Variants in DNAH8 observed in about 807,000 individuals in gnomAD.
The protein encoded by DNAH8 is axonemal beta dynein heavy chain 8.
Under a neutral mutation model 562.1 loss-of-function variants are expected in DNAH8, and 382 were observed. The ratio of observed to expected loss-of-function variants is 0.68; its 90% CI spans 0.63 to 0.74. The LOEUF (loss-of-function observed/expected upper bound fraction) is 0.74, where lower values mean the gene tolerates loss of function less well. Ranked by LOEUF, DNAH8 falls within the 30% of genes least tolerant of loss-of-function variation. The pLI is 0.00. For missense variants in DNAH8, 5,203 were observed against 5,620.4 expected (o/e 0.93, Z 2.37); for synonymous variants, 1,881 against 1,919.4 (o/e 0.98, Z 0.52).
In DNAH8 at chr6:38,900,543, C is replaced by G. The variant is rs138382779; in HGVS notation, c.9194+637C>G. ...TTCCATGTGGTTGTACCAATTTACA[C>G]TTCCACCAACATGTCATGAGAGTTG... On this transcript the variant is annotated intron_variant, in intron 62 of 92. Coordinates refer to ENST00000327475, the MANE Select transcript of DNAH8 (RefSeq NM_001206927.2). Among the ~76,000 whole-genome samples, 190 of 152,200 alleles carry G rather than the reference C, an allele frequency of 1.2e-3. 1 individual carries two copies. The highest frequency in any genetic ancestry group is 4.4e-3 in the African/African-American group (181 of 41,532).
intron 11 of DNAH8, among the ~76,000 whole-genome samples, chr6:38,762,509 G>A (rs1766616545): frequency 6.6e-6 from 1 of 152,198 alleles, no homozygotes; most frequent in African/African-American, 2.4e-5. Flanking sequence ...AGCTGTATTG[G>A]TGAGAGAGAG....
rs186361657 is a variant in DNAH8, at chr6:38,741,373, A to G, written c.1117-338A>G. ...CACTGTGATTGTGCCACTGCACTCT[A>G]GCGTAGGCAGCAGAGCGAGACCCTG... On this transcript the variant is annotated intron_variant, in intron 7 of 92. Coordinates refer to ENST00000327475, the MANE Select transcript of DNAH8 (RefSeq NM_001206927.2). 6.6e-5 allele frequency among the ~76,000 whole-genome samples: 10 copies of G among 152,232 alleles called. No homozygotes were observed. In the East Asian group the frequency reaches 1.7e-3, roughly 26 times the overall value.
At chr6:38,923,272 C>T in intron 72 of DNAH8, 87 bp downstream of exon 72, 1 of 1,511,842 alleles carries the variant, frequency 6.6e-7, no homozygotes, top group East Asian at 2.3e-5. Flanking sequence ...ATCTCTGAAT[C>T]CCATCATCTA....
intron 87 of DNAH8, among the ~76,000 whole-genome samples, chr6:38,989,331 T>C (rs1263730791): frequency 1.3e-5 from 2 of 152,244 alleles, no homozygotes; most frequent in African/African-American, 4.8e-5. Flanking sequence ...AGCATCATTT[T>C]TTTTTCCTTT....
At chr6:38,876,022 A>G (rs1490289805) in intron 53 of DNAH8, among the ~76,000 whole-genome samples, 194 bp downstream of exon 53, 1 of 152,150 alleles carries the variant, frequency 6.6e-6, no homozygotes, top group Non-Finnish European at 1.5e-5. Context: ...TGATATTGAG[A>G]CTCTTGACTT....
At chr6:38,717,567 G>T (rs1465848231) in intron 1 of DNAH8, among the ~76,000 whole-genome samples, 3 of 151,400 alleles carry the variant, frequency 2.0e-5, no homozygotes. Flanking sequence ...TTGAGCTCAG[G>T]AGTTTGTATG....
At chr6:38,827,221 C>G (rs545140683) in intron 29 of DNAH8, among the ~76,000 whole-genome samples, 4 of 152,284 alleles carry the variant, frequency 2.6e-5, no homozygotes, top group South Asian at 2.1e-4. Flanking sequence ...ACATCAGGCC[C>G]GCCTGTTAAT....
Position 38,932,037 on chromosome 6 carries a change from G to A in DNAH8, c.11457+44G>A, listed in dbSNP as rs748038034. On this transcript the variant is annotated intron_variant, in intron 76 of 92. Transcript: ENST00000327475. ...TAAAGAATTTCTGCTTATAATACATGCTTAAAATGTATTGAGAAATTGCTA... is the reference window on the plus strand; with the variant it reads ...TAAAGAATTTCTGCTTATAATACATACTTAAAATGTATTGAGAAATTGCTA... The A allele has an allele frequency of 1.4e-5, 18 of 1,328,914 alleles. No individual in the cohort carries two copies. The African/African-American group carries it at 1.4e-4, about 10-fold the overall frequency. The allele number at this position is 1,328,914 out of a possible 1,614,324, so 82.3% of individuals were successfully genotyped here. A position where few individuals can be genotyped will look rare whatever the true frequency, so the allele number is the denominator to read the frequency against.
chr6:38,967,361 C>A (rs1449209658), intron 82 of DNAH8, among the ~76,000 whole-genome samples: 1 of 151,000 alleles, frequency 6.6e-6, no homozygotes, highest in Non-Finnish European at 1.5e-5. Context: ...ATGATTGTGA[C>A]ATGAATTTGT....
chr6:38,866,758 T>G lies in DNAH8; in HGVS notation c.6586-11T>G. 6.2e-7 allele frequency: 1 copy of G among 1,605,092 alleles called. No individual in the cohort carries two copies. The highest frequency in any genetic ancestry group is 8.5e-7 in the Non-Finnish European group (1 of 1,173,870). ...CTAAAGTTGAAAAAAACTCACTATA[T>G]TAATTTTCAGATCATTATGAGAGTT... On this transcript the variant is annotated splice_polypyrimidine_tract_variant and intron_variant, in intron 46 of 92. Transcript: ENST00000327475.
chr6:38,826,345 T>C lies in DNAH8; in HGVS notation c.4037T>C (p.Ile1346Thr). 1 of 1,612,816 alleles carries C rather than the reference T, an allele frequency of 6.2e-7. No individual in the cohort carries two copies. Among genetic ancestry groups the C allele is most frequent in the Non-Finnish European group, 8.5e-7 (1 of 1,179,472 alleles). Residue 1346 changes from isoleucine to threonine, a missense_variant, in exon 29 of 93, where the codon ATA becomes ACA. Coordinates refer to ENST00000327475, the MANE Select transcript of DNAH8 (RefSeq NM_001206927.2). ...TTTGCAATGGAAGCCTTGTCTTGCA[T>C]ACGTGATAATGAAATTCAAATGGAC... ...VRFAMEALSC[I>T]RDNEIQMDMT... is the part of the protein sequence containing the mutation.
chr6:38,821,788 T>A (rs908733390), intron 26 of DNAH8, among the ~76,000 whole-genome samples: 1 of 152,174 alleles, frequency 6.6e-6, no homozygotes, highest in African/African-American at 2.4e-5. Flanking sequence ...TCACGAAATC[T>A]TGGACTCAAA....
chr6:38,750,120 C>T (rs1765310005), intron 8 of DNAH8, among the ~76,000 whole-genome samples: 1 of 152,250 alleles, frequency 6.6e-6, no homozygotes, highest in South Asian at 2.1e-4. Context: ...GCGTAAGCCA[C>T]CACGCCCTGC....
intron 10 of DNAH8, among the ~76,000 whole-genome samples, chr6:38,757,010 A>G (rs9357281): frequency 0.08 from 12,116 of 152,102 alleles, 1,006 homozygotes; most frequent in East Asian, 0.44. Context: ...TAGCAGCATG[A>G]TTTATAATCC....
Position 39,026,563 on chromosome 6 carries a change from A to G in DNAH8, c.13732A>G (p.Arg4578Gly). 1 of 1,610,722 alleles carries G rather than the reference A, an allele frequency of 6.2e-7. No individual in the cohort carries two copies. Among genetic ancestry groups the G allele is most frequent in the Non-Finnish European group, 8.5e-7 (1 of 1,178,762 alleles). Residue 4578 changes from arginine to glycine, a missense_variant, in exon 92 of 93, where the codon AGG becomes GGG. Physicochemically the swap from Arg to Gly is moderately radical, Grantham distance 125. Transcript: ENST00000327475. ...FNPQGFLTAM[R>G]QEVTRAHKGW... ...TCTTTAAGGCTTCCTCACAGCAATG[A>G]GGCAAGAAGTGACCCGTGCCCACAA...
intron 85 of DNAH8, among the ~76,000 whole-genome samples, chr6:38,981,612 T>C (rs539273549): frequency 6.0e-4 from 92 of 152,362 alleles, no homozygotes; most frequent in African/African-American, 2.1e-3. Context: ...TCACAGAATC[T>C]AAGTGCTCTT....
intron 49 of DNAH8, among the ~76,000 whole-genome samples, chr6:38,871,455 C>T (rs567163264): frequency 7.9e-5 from 12 of 152,184 alleles, no homozygotes; most frequent in South Asian, 6.2e-4. Context: ...CAATGGGTGG[C>T]GACTAGAATT....
rs202079713 is a variant in DNAH8, at chr6:38,734,547, G to T, written c.684G>T (p.Pro228=). ...AATTGTATATAGACAATGCAGCCCC[G>T]GATAAACTAAAAGGACTGTGCATAT... is the stretch of plus-strand genomic sequence containing the variant. ...MMKLYIDNAA[P]DKLKGLCIFF... The change falls in exon 5 of 93, where the codon CCG becomes CCT. Residue 228 remains proline (P), a synonymous_variant. Coordinates refer to ENST00000327475, the MANE Select transcript of DNAH8 (RefSeq NM_001206927.2). 1 of 1,613,680 alleles carries T rather than the reference G, an allele frequency of 6.2e-7. No homozygotes were observed. The highest frequency in any genetic ancestry group is 1.3e-5 in the African/African-American group (1 of 74,882).
At chr6:38,765,982 G>A (rs1766946295) in intron 11 of DNAH8, among the ~76,000 whole-genome samples, 1 of 152,096 alleles carries the variant, frequency 6.6e-6, no homozygotes, top group Admixed American at 6.5e-5. Context: ...TAAAGGAAAT[G>A]ATATAACTGT....
Sources: gnomAD v4.1 joint callset for allele counts (sites outside exome capture counted in the v4.1 genomes callset) on GRCh38, gnomAD v4.1.1 for gene constraint, MANE v1.5 for transcripts, NCBI Gene and HGNC (gene_info 2026-07-23, HGNC 2026-07-21) for gene names.